The following COBL variants were observed in gnomAD, a reference collection of about 807,000 sequenced individuals.
COBL encodes protein cordon-bleu.
COBL carries 51 observed loss-of-function variants against 98.8 expected under a neutral mutation model. That is an observed-to-expected ratio of 0.52 (90% CI 0.41 to 0.65). The LOEUF is 0.65. COBL is among the 30% of genes least tolerant of loss of function. The pLI, the probability that COBL is intolerant of heterozygous loss-of-function variation, is 0.00. For missense variants in COBL, 1,617 were observed against 1,617.5 expected (o/e 1.00, Z 0.01); for synonymous variants, 634 against 651.7 (o/e 0.97, Z 0.41).
At chr7:51,238,125 C>G (rs966789019) in intron 1 of COBL, among the ~76,000 whole-genome samples, 1 of 152,242 alleles carries the variant, frequency 6.6e-6, no homozygotes, top group African/African-American at 2.4e-5. Context: ...ACGCTGGGAC[C>G]AAGCGGCTTT....
chr7:51,213,496 G>A (rs1403787860), intron 2 of COBL, among the ~76,000 whole-genome samples: 1 of 152,172 alleles, frequency 6.6e-6, no homozygotes, highest in Non-Finnish European at 1.5e-5. Flanking sequence ...AGTCCCTGAT[G>A]CCAAAAAGCT....
In COBL at chr7:51,017,519, T is replaced by A; in HGVS notation, c.*32A>T. ...GTGACGCCTGTGGGCATATTACAGG[T>A]GGGTTTCTGCAATTCTCTGGCCTCT... On this transcript the variant is annotated 3_prime_UTR_variant, in exon 13 of 13. Transcript: ENST00000265136. 1 of 1,610,948 alleles carries A rather than the reference T, an allele frequency of 6.2e-7. No individual in the cohort carries two copies. The highest frequency in any genetic ancestry group is 8.5e-7 in the Non-Finnish European group (1 of 1,177,140).
At chr7:51,122,288 C>G (rs1054346815) in intron 6 of COBL, among the ~76,000 whole-genome samples, 16 of 152,206 alleles carry the variant, frequency 1.1e-4, no homozygotes, top group Non-Finnish European at 1.9e-4. Flanking sequence ...CCGGCTATTT[C>G]CACCAAGGAG....
At chr7:51,081,061 ATGTGG>A (rs1793611735) in intron 7 of COBL, among the ~76,000 whole-genome samples, 1 of 152,188 alleles carries the variant, frequency 6.6e-6, no homozygotes, top group Non-Finnish European at 1.5e-5. Flanking sequence ...ATGCTTGAAC[ATGTGG>A]TGCGCTGGCA....
In COBL at chr7:51,114,593, T is replaced by C. The variant is rs548032563; in HGVS notation, c.957+21565A>G. On this transcript the variant is annotated intron_variant, in intron 6 of 12. Transcript: ENST00000265136. ...AGTTTTCTTACAGAAATGATGTATC[T>C]GCCATTCTCTGTCCTTGATCAGAAG... 1.4e-4 allele frequency among the ~76,000 whole-genome samples: 21 copies of C among 152,330 alleles called. No homozygotes were observed. In the East Asian group the frequency reaches 1.5e-3, roughly 11 times the overall value.
chr7:51,098,707 T>TC (rs146468856), intron 6 of COBL, among the ~76,000 whole-genome samples: 2,139 of 152,278 alleles, frequency 0.014, 50 homozygotes, highest in African/African-American at 0.049. Flanking sequence ...GGCAATGGTT[T>TC]CTTAGATATG....
chr7:51,087,520 ACAGAGTCT>A (rs938475944), intron 6 of COBL, among the ~76,000 whole-genome samples: 1 of 151,244 alleles, frequency 6.6e-6, no homozygotes, highest in Non-Finnish European at 1.5e-5. Context: ...TTTTTTTGAG[ACAGAGTCT>A]CACTCTGTCG....
chr7:51,286,665 G>A (rs1563128443), intron 1 of COBL, among the ~76,000 whole-genome samples: 1 of 152,146 alleles, frequency 6.6e-6, no homozygotes, highest in Non-Finnish European at 1.5e-5. Flanking sequence ...TGATGGGAAT[G>A]CAAATTAGTT....
chr7:51,030,780 A>G, intron 9 of COBL, 32 bp downstream of exon 9: 9 of 1,372,876 alleles, frequency 6.6e-6, no homozygotes, highest in Non-Finnish European at 9.3e-6. Context: ...CATGCAGCAT[A>G]ATATCAGAGT....
At chr7:51,210,150 T>C (rs1792272727) in intron 2 of COBL, among the ~76,000 whole-genome samples, 1 of 152,200 alleles carries the variant, frequency 6.6e-6, no homozygotes, top group Non-Finnish European at 1.5e-5. Context: ...TGTGGGCCTT[T>C]ACACCCCTGC....
intron 6 of COBL, among the ~76,000 whole-genome samples, chr7:51,126,643 A>G (rs776868456): frequency 3.3e-5 from 5 of 152,148 alleles, no homozygotes; most frequent in Non-Finnish European, 7.4e-5. Flanking sequence ...TTCACAGTCC[A>G]TGGCATGTGT....
At chr7:51,162,952 T>C (rs1374120462) in intron 5 of COBL, among the ~76,000 whole-genome samples, 5 of 152,212 alleles carry the variant, frequency 3.3e-5, no homozygotes, top group South Asian at 2.1e-4. Flanking sequence ...CAATGTTTCC[T>C]GTAAAGCAAG....
rs751124445 is a variant in COBL, at chr7:51,190,875, C to T, written c.660G>A (p.Glu220=). 1.2e-6 allele frequency: 2 copies of T among 1,613,932 alleles called. No individual in the cohort carries two copies. The highest frequency in any genetic ancestry group is 1.3e-5 in the African/African-American group (1 of 74,928). The change falls in exon 4 of 13, where the codon GAG becomes GAA. Residue 220 remains glutamate (E), a synonymous_variant. Coordinates refer to ENST00000265136, the MANE Select transcript of COBL (RefSeq NM_015198.5). ...SKSLNELGIK[E]LYAWDNRRET... ...CTCTTCTGTTGTCCCACGCGTAGAG[C>T]TCCTTTATCCCGAGCTCGTTCAGGG...
intron 2 of COBL, among the ~76,000 whole-genome samples, chr7:51,212,130 A>AT (rs771622100): frequency 1.2e-4 from 18 of 151,896 alleles, no homozygotes; most frequent in Admixed American, 3.3e-4. Flanking sequence ...GGTAAATGTT[A>AT]TTTTTTTTGT....
intron 5 of COBL, among the ~76,000 whole-genome samples, chr7:51,171,703 C>T (rs777980187): frequency 3.3e-5 from 5 of 151,982 alleles, no homozygotes; most frequent in Admixed American, 6.6e-5. Context: ...CTTCTACTTA[C>T]AGTTTTATAA....
In COBL at chr7:51,062,868, G is replaced by A. The variant is rs180968263; in HGVS notation, c.1097-19176C>T. ...AGGCTGTGAGACACCCGTGGAGAGCGCTGGGGCACACACAGGAGCAACCAC... is the reference window on the plus strand; with the variant it reads ...AGGCTGTGAGACACCCGTGGAGAGCACTGGGGCACACACAGGAGCAACCAC... On this transcript the variant is annotated intron_variant, in intron 7 of 12. Coordinates refer to ENST00000265136, the MANE Select transcript of COBL (RefSeq NM_015198.5). Among the ~76,000 whole-genome samples, 515 of 152,256 alleles carry A rather than the reference G, an allele frequency of 3.4e-3. 2 individuals are homozygous for A. The highest frequency in any genetic ancestry group is 0.011 in the African/African-American group (448 of 41,548).
intron 7 of COBL, among the ~76,000 whole-genome samples, chr7:51,048,405 T>C (rs1269893739): frequency 3.3e-5 from 5 of 152,172 alleles, no homozygotes; most frequent in African/African-American, 1.2e-4. Flanking sequence ...ACTAAATTAA[T>C]TGTAAATTGC....
intron 7 of COBL, among the ~76,000 whole-genome samples, chr7:51,067,271 CAA>C (rs753830244): frequency 5.9e-5 from 9 of 152,194 alleles, no homozygotes; most frequent in African/African-American, 1.9e-4. Flanking sequence ...TATTTGCACA[CAA>C]GTTACAAATG....
At chr7:51,276,067 A>G (rs745562587) in intron 1 of COBL, among the ~76,000 whole-genome samples, 1 of 152,224 alleles carries the variant, frequency 6.6e-6, no homozygotes, top group Non-Finnish European at 1.5e-5. Context: ...AACAAATATC[A>G]AGCTCATAAA....
Sources: gnomAD v4.1 joint callset for allele counts (sites outside exome capture counted in the v4.1 genomes callset) on GRCh38, gnomAD v4.1.1 for gene constraint, MANE v1.5 for transcripts, NCBI Gene and HGNC (gene_info 2026-07-23, HGNC 2026-07-21) for gene names.